The following ALDH1A1 variants were observed in gnomAD, a reference collection of about 807,000 sequenced individuals.
The protein encoded by ALDH1A1 is aldehyde dehydrogenase 1A1.
A neutral mutation model predicts 62.1 loss-of-function variants in ALDH1A1; 19 were observed. The ratio of observed to expected loss-of-function variants is 0.31; its 90% CI spans 0.21 to 0.45. The LOEUF is 0.45. Ranked by LOEUF, ALDH1A1 falls within the 20% of genes least tolerant of loss-of-function variation. The pLI is 1.00. For missense variants in ALDH1A1, 521 were observed against 607.1 expected, an observed-to-expected ratio of 0.86 and a Z score of 1.49; for synonymous variants, 231 against 215.9, an observed-to-expected ratio of 1.07 and a Z score of -0.61.
rs1215222496 is a variant in ALDH1A1, at chr9:72,900,928, G to T, written c.*280C>A. The T allele has an allele frequency of 4.0e-6, 1 of 248,784 alleles. No homozygotes were observed. Among genetic ancestry groups the T allele is most frequent in the African/African-American group, 2.2e-5 (1 of 45,022 alleles). 15.4% of individuals were successfully genotyped at this position (248,784 alleles called of 1,614,324 possible). A position where few individuals can be genotyped will look rare whatever the true frequency, so the allele number is the denominator to read the frequency against. On this transcript the variant is annotated 3_prime_UTR_variant, in exon 13 of 13. Coordinates refer to ENST00000297785, the MANE Select transcript of ALDH1A1 (RefSeq NM_000689.5). ...ATTATCCTGCAAAAGTAGCTACAAA[G>T]GAAAATCACATAACTATGACAAAGC... is the stretch of plus-strand genomic sequence containing the variant.
At chr9:72,930,411 A>T (rs953987188) in intron 3 of ALDH1A1, among the ~76,000 whole-genome samples, 41 of 152,228 alleles carry the variant, frequency 2.7e-4, no homozygotes, top group Middle Eastern at 3.2e-3. Context: ...GTAGCCATTT[A>T]TTAAATATCT....
chr9:72,942,271 G>A (rs1830423313), intron 1 of ALDH1A1: 2 of 984,316 alleles, frequency 2.0e-6, no homozygotes, highest in African/African-American at 3.5e-5. Context: ...CTCAAGGGAT[G>A]GCTGGGAAAG....
Position 72,909,724 on chromosome 9 carries a change from T to A in ALDH1A1, c.1236A>T (p.Lys412Asn), listed in dbSNP as rs570546548. 6.2e-7 allele frequency: 1 copy of A among 1,613,530 alleles called. No individual in the cohort carries two copies. The highest frequency in any genetic ancestry group is 1.3e-5 in the African/African-American group (1 of 75,018). Residue 412 changes from lysine to asparagine, a missense_variant, in exon 11 of 13, where the codon AAA becomes AAT. Physicochemically the swap from Lys to Asn is moderately conservative, Grantham distance 94. Coordinates refer to ENST00000297785, the MANE Select transcript of ALDH1A1 (RefSeq NM_000689.5). ...FGPVQQIMKF[K>N]SLDDVIKRAN... The stretch of plus-strand genomic sequence containing the variant: ...CTCTTTTGATCACGTCATCTAAAGA[T>A]TTAAACTTCATGATTTGCTGCACTG...
At chr9:72,923,985 A>C in intron 7 of ALDH1A1, 34 bp downstream of exon 7, 1 of 1,434,208 alleles carries the variant, frequency 7.0e-7, no homozygotes, top group African/African-American at 1.4e-5. Context: ...CAATGCAGAC[A>C]TTCTTAACTT....
intron 2 of ALDH1A1, among the ~76,000 whole-genome samples, chr9:72,934,163 C>T (rs1408765683): frequency 6.6e-6 from 1 of 152,130 alleles, no homozygotes; most frequent in African/African-American, 2.4e-5. Flanking sequence ...TTCAAGCAAC[C>T]TGGCTGCCTT....
intron 10 of ALDH1A1, among the ~76,000 whole-genome samples, chr9:72,910,332 A>G (rs1829966925): frequency 6.6e-6 from 1 of 152,154 alleles, no homozygotes; most frequent in Admixed American, 6.5e-5. Context: ...GGTAAACATC[A>G]CGAACTTTTA....
chr9:72,920,106 A>G (rs905553529), intron 7 of ALDH1A1, among the ~76,000 whole-genome samples: 3 of 152,212 alleles, frequency 2.0e-5, no homozygotes, highest in Non-Finnish European at 4.4e-5. Context: ...GATTTTAATA[A>G]AAAGTTTCTA....
At chr9:72,926,007 G>T (rs541350024) in intron 5 of ALDH1A1, among the ~76,000 whole-genome samples, 3 of 152,138 alleles carry the variant, frequency 2.0e-5, no homozygotes, top group Non-Finnish European at 2.9e-5. Context: ...ATATTATTTA[G>T]TAGCTTTTAT....
At position 72,930,573 on chromosome 9, in the gene ALDH1A1, T is replaced by A. The variant is rs182413394; in HGVS notation, c.312+306A>T. 2.6e-5 allele frequency among the ~76,000 whole-genome samples: 4 copies of A among 152,294 alleles called. No homozygotes were observed. In the East Asian group the frequency reaches 7.7e-4, roughly 29 times the overall value. ...TCTAGGAGACTCAAACTTCATGTGA[T>A]CTTATTGAAACCTCTGAGAAGTTTT... is the stretch of plus-strand genomic sequence containing the variant. On this transcript the variant is annotated intron_variant, in intron 3 of 12. Transcript: ENST00000297785.
chr9:72,952,956 A>G lies in ALDH1A1; in HGVS notation c.45T>C (p.Asp15=), dbSNP rs1284624681. Residue 15 remains aspartate, a synonymous_variant, in exon 1 of 13, where the codon GAT becomes GAC. Coordinates refer to ENST00000297785, the MANE Select transcript of ALDH1A1 (RefSeq NM_000689.5). ...GTPDLPVLLT[D]LKIQYTKIFI... ...TCACCTTAGTATATTGAATCTTCAA[A>G]TCGGTGAGTAGGACAGGTAAGTCTG... 6.2e-7 allele frequency: 1 copy of G among 1,613,102 alleles called. No individual in the cohort carries two copies. The highest frequency in any genetic ancestry group is 2.2e-5 in the East Asian group (1 of 44,866).
At chr9:72,942,767 T>C (rs145112391) in intron 1 of ALDH1A1, among the ~76,000 whole-genome samples, 1 of 152,310 alleles carries the variant, frequency 6.6e-6, no homozygotes, top group East Asian at 1.9e-4. Context: ...CACTGTTCTT[T>C]AGACTAGAGT....
chr9:72,931,125 T>TACA, intron 2 of ALDH1A1, 106 bp from the exon 3 acceptor site: 1 of 1,258,678 alleles, frequency 7.9e-7, no homozygotes, highest in Non-Finnish European at 1.1e-6. Flanking sequence ...AAGCAGGCAC[T>TACA]GTGTCTCCAT....
intron 9 of ALDH1A1, among the ~76,000 whole-genome samples, chr9:72,916,469 G>T (rs1393619805): frequency 6.6e-6 from 1 of 152,170 alleles, no homozygotes; most frequent in Non-Finnish European, 1.5e-5. Context: ...CCCATGCTAC[G>T]ATTAGGGGGT....
At chr9:72,946,143 G>A (rs533488696) in intron 1 of ALDH1A1, among the ~76,000 whole-genome samples, 2 of 152,118 alleles carry the variant, frequency 1.3e-5, no homozygotes, top group South Asian at 2.1e-4. Context: ...GAGTTAAGAT[G>A]TAGAAGCGAT....
rs527857903 is a variant in ALDH1A1 at position 72,909,999 on chromosome 9, AG to A, written c.1201-241del. Among the ~76,000 whole-genome samples, 317 of 152,296 alleles carry A rather than the reference AG, an allele frequency of 2.1e-3. 3 individuals carry two copies. Among genetic ancestry groups the A allele is most frequent in the Middle Eastern group, 0.01 (3 of 294 alleles). On this transcript the variant is annotated intron_variant, in intron 10 of 12. Coordinates refer to ENST00000297785, the MANE Select transcript of ALDH1A1 (RefSeq NM_000689.5). ...GGTACAAATAATTAAGGCAATATTA[AG>A]TTTCTAGATGTTGGAATTAAGCTTT...
At chr9:72,947,818 C>T (rs970536139) in intron 1 of ALDH1A1, among the ~76,000 whole-genome samples, 3 of 151,848 alleles carry the variant, frequency 2.0e-5, no homozygotes, top group African/African-American at 7.3e-5. Flanking sequence ...TGAAATGGGA[C>T]TCTGCTAACA....
At chr9:72,921,911 T>C (rs1368908024) in intron 7 of ALDH1A1, among the ~76,000 whole-genome samples, 1 of 151,908 alleles carries the variant, frequency 6.6e-6, no homozygotes, top group Admixed American at 6.6e-5. Flanking sequence ...CTCCTGGGAC[T>C]GTAGAGGCAA....
chr9:72,941,180 CAT>C (rs1164775543), intron 1 of ALDH1A1, among the ~76,000 whole-genome samples: 2 of 152,060 alleles, frequency 1.3e-5, no homozygotes, highest in Non-Finnish European at 2.9e-5. Context: ...AGGAAGGTGA[CAT>C]ATGTGCTGGA....
At chr9:72,922,680 G>A (rs1055456423) in intron 7 of ALDH1A1, among the ~76,000 whole-genome samples, 2 of 152,230 alleles carry the variant, frequency 1.3e-5, no homozygotes, top group Non-Finnish European at 2.9e-5. Context: ...CAGGCACATG[G>A]ATTCCCTATT....
Sources: gnomAD v4.1 joint callset for allele counts (sites outside exome capture counted in the v4.1 genomes callset) on GRCh38, gnomAD v4.1.1 for gene constraint, MANE v1.5 for transcripts, NCBI Gene and HGNC (gene_info 2026-07-23, HGNC 2026-07-21) for gene names.